ADK: variants seen among roughly 807,000 people sequenced by gnomAD.
ADK encodes N6,N6-dimethyladenosine kinase.
A neutral mutation model predicts 44.7 loss-of-function variants in ADK; 24 were observed. That is an observed-to-expected ratio of 0.54 (90% CI 0.39 to 0.76). ADK has a LOEUF of 0.76. Ranked by LOEUF, ADK falls within the 30% of genes least tolerant of loss-of-function variation. ADK has a pLI of 0.00. For synonymous variants in ADK, 128 were observed against 142.6 expected, an observed-to-expected ratio of 0.90 and a Z score of 0.73; for missense variants, 321 against 425.1, an observed-to-expected ratio of 0.76 and a Z score of 2.15.
intron 7 of ADK, among the ~76,000 whole-genome samples, chr10:74,574,589 CTG>C: frequency 6.6e-6 from 1 of 152,282 alleles, no homozygotes; most frequent in Non-Finnish European, 1.5e-5. Flanking sequence ...GAAAATACAA[CTG>C]TAATTAAAGA....
intron 4 of ADK, among the ~76,000 whole-genome samples, chr10:74,357,886 A>G (rs567301386): frequency 6.6e-6 from 1 of 152,326 alleles, no homozygotes; most frequent in Non-Finnish European, 1.5e-5. Flanking sequence ...TGGCGAAATT[A>G]TATTTATTTG....
intron 7 of ADK, among the ~76,000 whole-genome samples, chr10:74,567,921 A>C: frequency 6.6e-6 from 1 of 151,830 alleles, no homozygotes; most frequent in African/African-American, 2.4e-5. Context: ...GGATGGTCTC[A>C]ATCTCCTGAC....
At chr10:74,599,366 T>G (rs1283065034) in intron 8 of ADK, among the ~76,000 whole-genome samples, 1 of 152,244 alleles carries the variant, frequency 6.6e-6, no homozygotes, top group Non-Finnish European at 1.5e-5. Flanking sequence ...TTTGTAACGA[T>G]TGCAAACCAT....
rs142781396 is a variant in ADK at position 74,605,361 on chromosome 10, C to T, written c.877+4868C>T. On this transcript the variant is annotated intron_variant, in intron 9 of 10. Transcript: ENST00000539909. ...ATCCTTCCAGCTTTTGCCCATTCAG[C>T]GTGATATTGGCTGTGGGTTTGTCAT... 2.7e-3 allele frequency among the ~76,000 whole-genome samples: 407 copies of T among 152,210 alleles called. 4 individuals carry two copies. The highest frequency in any genetic ancestry group is 9.2e-3 in the African/African-American group (383 of 41,536).
intron 6 of ADK, among the ~76,000 whole-genome samples, chr10:74,466,562 T>G (rs1846365693): frequency 6.6e-6 from 1 of 152,192 alleles, no homozygotes. Context: ...AGGATTACTC[T>G]GGCGTTTTAC....
Position 74,576,865 on chromosome 10 carries a change from A to G in ADK, c.727-12417A>G, listed in dbSNP as rs370703312. ...TACCACAAGCAGGCACTAAGGTTGG[A>G]TAATGTGTTATCTCACATTCTGAAA... On this transcript the variant is annotated intron_variant, in intron 7 of 10. Transcript: ENST00000539909. Among the ~76,000 whole-genome samples the G allele has an allele frequency of 2.4e-4, 36 of 152,286 alleles. 2 individuals carry two copies. The highest frequency in any genetic ancestry group is 8.4e-4 in the African/African-American group (35 of 41,586).
chr10:74,180,694 A>C (rs1217072168), intron 1 of ADK, among the ~76,000 whole-genome samples: 1 of 151,924 alleles, frequency 6.6e-6, no homozygotes, highest in Non-Finnish European at 1.5e-5. Context: ...TCCTGACCTC[A>C]TGATCTGCCC....
intron 6 of ADK, among the ~76,000 whole-genome samples, chr10:74,429,484 CT>C (rs1178262312): frequency 3.9e-5 from 6 of 152,122 alleles, no homozygotes; most frequent in African/African-American, 1.4e-4. Context: ...CTTGCATATT[CT>C]TTAGTCAAGT....
intron 6 of ADK, among the ~76,000 whole-genome samples, chr10:74,428,398 G>T: frequency 6.6e-6 from 1 of 152,152 alleles, no homozygotes; most frequent in East Asian, 1.9e-4. Flanking sequence ...AAGATAAGTT[G>T]TTTGTTAAGT....
chr10:74,247,394 A>G (rs1157107418), intron 3 of ADK, among the ~76,000 whole-genome samples: 7 of 151,496 alleles, frequency 4.6e-5, no homozygotes, highest in Admixed American at 4.6e-4. Flanking sequence ...ACGTGCCACC[A>G]TGCCTGGCTA....
intron 4 of ADK, among the ~76,000 whole-genome samples, chr10:74,359,843 A>G (rs1191362531): frequency 6.6e-6 from 1 of 151,988 alleles, no homozygotes; most frequent in Non-Finnish European, 1.5e-5. Context: ...TTTTCCTTGT[A>G]TAGATCTTTC....
chr10:74,194,918 C>T (rs1843067536), intron 1 of ADK, among the ~76,000 whole-genome samples: 1 of 152,160 alleles, frequency 6.6e-6, no homozygotes, highest in Non-Finnish European at 1.5e-5. Context: ...AACATTCAAA[C>T]ATTAATATAT....
At chr10:74,558,121 GCAGT>G (rs1014480838) in intron 7 of ADK, among the ~76,000 whole-genome samples, 1 of 152,212 alleles carries the variant, frequency 6.6e-6, no homozygotes, top group Admixed American at 6.5e-5. Flanking sequence ...ACAAAGAGCA[GCAGT>G]CAGAGTTCAG....
intron 4 of ADK, among the ~76,000 whole-genome samples, chr10:74,326,496 G>C (rs190078135): frequency 6.6e-6 from 1 of 151,928 alleles, no homozygotes; most frequent in Admixed American, 6.6e-5. Flanking sequence ...CTACTTGGGA[G>C]GCCTCTTGGG....
At chr10:74,404,646 T>G (rs1406012987) in intron 6 of ADK, among the ~76,000 whole-genome samples, 1 of 152,202 alleles carries the variant, frequency 6.6e-6, no homozygotes, top group East Asian at 1.9e-4. Context: ...TCTTTTGTTC[T>G]TCAATGTTTC....
intron 10 of ADK, among the ~76,000 whole-genome samples, chr10:74,686,884 G>A (rs944300866): frequency 6.6e-6 from 1 of 151,930 alleles, no homozygotes; most frequent in African/African-American, 2.4e-5. Flanking sequence ...CACCATGTTG[G>A]CCAGGATGGT....
intron 6 of ADK, among the ~76,000 whole-genome samples, chr10:74,426,782 A>AT (rs147300184): frequency 3.2e-4 from 49 of 151,350 alleles, no homozygotes; most frequent in African/African-American, 8.7e-4. Context: ...AACTTAATTC[A>AT]TTTTTTTTTC....
At chr10:74,382,245 C>G (rs1842994955) in intron 4 of ADK, among the ~76,000 whole-genome samples, 1 of 152,084 alleles carries the variant, frequency 6.6e-6, no homozygotes, top group Non-Finnish European at 1.5e-5. Flanking sequence ...ACTACAGGTG[C>G]ACACCACCAT....
chr10:74,221,356 C>T (rs529140659), intron 2 of ADK, among the ~76,000 whole-genome samples: 1 of 149,804 alleles, frequency 6.7e-6, no homozygotes, highest in East Asian at 2.0e-4. Context: ...AACCACTGCT[C>T]AATGAAATAA....
Sources: gnomAD v4.1 joint callset for allele counts (sites outside exome capture counted in the v4.1 genomes callset) on GRCh38, gnomAD v4.1.1 for gene constraint, MANE v1.5 for transcripts, NCBI Gene and HGNC (gene_info 2026-07-23, HGNC 2026-07-21) for gene names.